MAPK4: variants seen among roughly 807,000 people sequenced by gnomAD.
MAPK4 encodes Erk3-related.
MAPK4 carries 22 observed loss-of-function variants against 47.7 expected under a neutral mutation model. The ratio of observed to expected loss-of-function variants is 0.46; its 90% confidence interval spans 0.33 to 0.66. The LOEUF (loss-of-function observed/expected upper bound fraction) is 0.66. MAPK4 is among the 30% of genes least tolerant of loss of function. The pLI is 0.02. For missense variants in MAPK4, 736 were observed against 831.7 expected, an observed-to-expected ratio of 0.88 and a Z score of 1.42; for synonymous variants, 390 against 365.7, an observed-to-expected ratio of 1.07 and a Z score of -0.76.
chr18:50,597,701 G>A (rs1206519393), intron 1 of MAPK4, among the ~76,000 whole-genome samples: 1 of 152,152 alleles, frequency 6.6e-6, no homozygotes, highest in East Asian at 1.9e-4. Context: ...TAGATATGGG[G>A]GAAATGCCTA....
In MAPK4 at chr18:50,722,119, A is replaced by G. The variant is rs752569931; in HGVS notation, c.853+20A>G. 1 of 1,606,340 alleles carries G rather than the reference A, an allele frequency of 6.2e-7. No homozygotes were observed. Among genetic ancestry groups the G allele is most frequent in the Non-Finnish European group, 8.5e-7 (1 of 1,177,728 alleles). ...GTGAAGGTACCTGAGCCTGGCAGCC[A>G]GGCCAAGTGTCCTGGGAGGATGAGC... On this transcript the variant is annotated intron_variant, in intron 4 of 5. Transcript: ENST00000400384.
intron 1 of MAPK4, among the ~76,000 whole-genome samples, chr18:50,573,486 G>T (rs1568031479): frequency 6.6e-6 from 1 of 152,170 alleles, no homozygotes; most frequent in Admixed American, 6.5e-5. Flanking sequence ...ACATGTGGGG[G>T]ATCTAAGTTA....
chr18:50,700,388 A>C (rs1489731226), intron 2 of MAPK4, among the ~76,000 whole-genome samples: 1 of 152,254 alleles, frequency 6.6e-6, no homozygotes, highest in East Asian at 1.9e-4. Flanking sequence ...CCTCTTGACA[A>C]ACTCTCCATA....
rs201628068 is a variant in MAPK4 at position 50,726,856 on chromosome 18, C to A, written c.1067+681C>A. ...TTGAGGTTGCAGAGTGAGACCCTGT[C>A]AAAAAAAAAAAAATGCCATTAACGG... On this transcript the variant is annotated intron_variant, in intron 5 of 5. Coordinates refer to ENST00000400384, the MANE Select transcript of MAPK4 (RefSeq NM_002747.4). Among the ~76,000 whole-genome samples the A allele has an allele frequency of 3.1e-3, 434 of 138,038 alleles. 2 individuals carry two copies. Among genetic ancestry groups the A allele is most frequent in the African/African-American group, 9.7e-3 (375 of 38,504 alleles). 90.6% of individuals were successfully genotyped at this position (138,038 alleles called of 152,430 possible). A position where few individuals can be genotyped will look rare whatever the true frequency, so the allele number is the denominator to read the frequency against.
chr18:50,632,806 G>A (rs2042843800), intron 1 of MAPK4, among the ~76,000 whole-genome samples: 1 of 152,000 alleles, frequency 6.6e-6, no homozygotes, highest in Non-Finnish European at 1.5e-5. Flanking sequence ...TTTTAGTAGA[G>A]ACAGGGTTTT....
At chr18:50,598,801 G>T (rs2042508122) in intron 1 of MAPK4, among the ~76,000 whole-genome samples, 1 of 152,144 alleles carries the variant, frequency 6.6e-6, no homozygotes, top group Non-Finnish European at 1.5e-5. Context: ...CAGTCTTGAG[G>T]AGTACTAGTC....
intron 1 of MAPK4, among the ~76,000 whole-genome samples, chr18:50,648,725 G>C (rs1467291382): frequency 1.3e-5 from 2 of 152,196 alleles, no homozygotes. Context: ...CCCTAAAGCA[G>C]TGCGGATGAA....
chr18:50,568,683 A>G (rs1481466195), intron 1 of MAPK4, among the ~76,000 whole-genome samples: 1 of 152,180 alleles, frequency 6.6e-6, no homozygotes, highest in Non-Finnish European at 1.5e-5. Flanking sequence ...AGTTAATTTT[A>G]CTATCTTAAA....
chr18:50,599,009 C>T (rs1352609442), intron 1 of MAPK4, among the ~76,000 whole-genome samples: 1 of 152,152 alleles, frequency 6.6e-6, no homozygotes, highest in African/African-American at 2.4e-5. Flanking sequence ...AGGTTTCTCC[C>T]CTCTGAAGTT....
intron 2 of MAPK4, among the ~76,000 whole-genome samples, chr18:50,671,138 T>G (rs1907927228): frequency 6.6e-6 from 1 of 152,230 alleles, no homozygotes; most frequent in African/African-American, 2.4e-5. Context: ...CTGCTAATGG[T>G]GGGAATCTCA....
chr18:50,655,073 G>A (rs957418619), intron 1 of MAPK4, among the ~76,000 whole-genome samples: 2 of 152,232 alleles, frequency 1.3e-5, no homozygotes, highest in Admixed American at 6.5e-5. Flanking sequence ...AGATAACAGG[G>A]TCCCCTCCTG....
At chr18:50,638,257 A>C (rs2042905290) in intron 1 of MAPK4, among the ~76,000 whole-genome samples, 1 of 152,224 alleles carries the variant, frequency 6.6e-6, no homozygotes, top group African/African-American at 2.4e-5. Flanking sequence ...GGCATGGTTT[A>C]CAGTCCTAGA....
intron 5 of MAPK4, 107 bp downstream of exon 5, chr18:50,726,282 C>A: frequency 9.8e-7 from 1 of 1,016,450 alleles, no homozygotes. Flanking sequence ...TTGCATAGCT[C>A]ATTGGACGAC....
chr18:50,711,706 T>A (rs1156798688), intron 2 of MAPK4, among the ~76,000 whole-genome samples: 1 of 152,222 alleles, frequency 6.6e-6, no homozygotes, highest in Non-Finnish European at 1.5e-5. Flanking sequence ...GCTGAAACTA[T>A]CCTCACCCTG....
intron 2 of MAPK4, among the ~76,000 whole-genome samples, chr18:50,674,734 T>C (rs1462511787): frequency 1.3e-5 from 2 of 152,240 alleles, no homozygotes; most frequent in Admixed American, 1.3e-4. Flanking sequence ...GTTACTGTGA[T>C]GATCTGTTTA....
chr18:50,579,503 C>T (rs896888216), intron 1 of MAPK4, among the ~76,000 whole-genome samples: 12 of 152,166 alleles, frequency 7.9e-5, no homozygotes, highest in African/African-American at 2.9e-4. Context: ...ACAGTCCCAC[C>T]TCCTTAGTCT....
At chr18:50,722,707 G>A (rs535703076) in intron 4 of MAPK4, among the ~76,000 whole-genome samples, 2 of 152,278 alleles carry the variant, frequency 1.3e-5, no homozygotes, top group South Asian at 4.2e-4. Context: ...CACACTGGGG[G>A]CATTAATTCT....
intron 2 of MAPK4, chr18:50,669,721 C>T (rs1205389263): frequency 1.3e-5 from 2 of 152,256 alleles, no homozygotes; most frequent in Non-Finnish European, 2.9e-5. Flanking sequence ...TGCAGCAGTA[C>T]TTCTAAAATT....
At chr18:50,681,648 TC>T (rs1344684187) in intron 2 of MAPK4, among the ~76,000 whole-genome samples, 2 of 152,222 alleles carry the variant, frequency 1.3e-5, no homozygotes, top group African/African-American at 4.8e-5. Context: ...TGGGTAATGA[TC>T]CCAGCACCAT....
Sources: allele counts gnomAD v4.1 joint callset (sites outside exome capture counted in the v4.1 genomes callset), GRCh38; gene constraint gnomAD v4.1.1; transcripts MANE v1.5; gene names NCBI Gene and HGNC (gene_info 2026-07-23, HGNC 2026-07-21).